The following BAZ2B variants were observed in gnomAD, a reference collection of about 807,000 sequenced individuals.
BAZ2B encodes bromodomain adjacent to zinc finger domain protein 2B.
Under a neutral mutation model 246.0 loss-of-function variants are expected in BAZ2B, and 91 were observed. The observed-to-expected ratio is 0.37, with a 90% CI of 0.31 to 0.44. The LOEUF is 0.44. Among genes scored for constraint, BAZ2B ranks in the 20% least tolerant of loss-of-function variants. BAZ2B has a pLI of 1.00. For missense variants in BAZ2B, 2,332 were observed against 2,533.7 expected (o/e 0.92, Z 1.71); for synonymous variants, 855 against 860.0 (o/e 0.99, Z 0.10).
rs1344829292 is a variant in BAZ2B, at chr2:159,325,117, T to TTATATATA, written c.6210-171_6210-164dup. 6.8e-3 allele frequency among the ~76,000 whole-genome samples: 23 copies of TTATATATA among 3,390 alleles called. 1 individual carries two copies. Among genetic ancestry groups the TTATATATA allele is most frequent in the African/African-American group, 0.014 (22 of 1,528 alleles). 2.2% of individuals were successfully genotyped at this position (3,390 alleles called of 152,430 possible). Reference sequence around the variant, plus strand: ...TTATATATATATATATATATATATTTTATATATATATATATATATATATAT... The same window carrying TTATATATA: ...TTATATATATATATATATATATATTTTATATATATATATATATATATATATATATATAT... On this transcript the variant is annotated intron_variant, in intron 35 of 36. Transcript: ENST00000392783.
chr2:159,337,712 A>AT lies in BAZ2B; in HGVS notation c.5514dup (p.Ser1839IlefsTer4), dbSNP rs777624820. On this transcript the variant is annotated frameshift_variant, in exon 32 of 37. Coordinates refer to ENST00000392783, the MANE Select transcript of BAZ2B (RefSeq NM_013450.4). LOFTEE classifies it high-confidence loss of function. ...TGCTCCTTGCACAATTTAGTAAATG[A>AT]TTTATGTTCAAAATATACCAAGTCC... 8 of 1,614,044 alleles carry AT rather than the reference A, an allele frequency of 5.0e-6. No homozygotes were observed.
At position 159,478,647 on chromosome 2, in the gene BAZ2B, C is replaced by G; in HGVS notation, c.73G>C (p.Val25Leu). The change falls in exon 3 of 37, where the codon GTG becomes CTG. Residue 25 changes from valine to leucine, a missense_variant. Physicochemically the swap from Val to Leu is conservative, Grantham distance 32. This residue lies in a region of BAZ2B where 242 missense variants were observed against 237.4 expected (regional missense o/e 1.02). Transcript: ENST00000392783. ...CCACCTTTTGAAACTACTGAAGCCACAGAAGGTGTCGAAGATGAAGTTGGT... is the reference window on the plus strand; with the variant it reads ...CCACCTTTTGAAACTACTGAAGCCAGAGAAGGTGTCGAAGATGAAGTTGGT... ...TTPTSSSTPS[V>L]ASVVSKGGLS... 1.2e-6 allele frequency: 2 copies of G among 1,611,382 alleles called. No homozygotes were observed. The highest frequency in any genetic ancestry group is 1.7e-6 in the Non-Finnish European group (2 of 1,178,400).
Position 159,332,601 on chromosome 2 carries a change from T to C in BAZ2B, c.5882A>G (p.His1961Arg), listed in dbSNP as rs1405461125. ...TGGGATTGTTGTAATCTTGGGTCTA[T>C]GGCAGTAGGTATGACAGCCTTTGTC... ...GCDKGCHTYC[H>R]RPKITTIPDG... The change falls in exon 34 of 37, where the codon CAT becomes CGT. Residue 1961 changes from histidine to arginine, a missense_variant. By Grantham distance (29) the His-to-Arg change is conservative. This residue lies in a region of BAZ2B where 210 missense variants were observed against 232.5 expected (regional missense o/e 0.90). Coordinates refer to ENST00000392783, the MANE Select transcript of BAZ2B (RefSeq NM_013450.4). 2 of 1,614,022 alleles carry C rather than the reference T, an allele frequency of 1.2e-6. No individual in the cohort carries two copies. Among genetic ancestry groups the C allele is most frequent in the Non-Finnish European group, 1.7e-6 (2 of 1,179,992 alleles).
intron 2 of BAZ2B, among the ~76,000 whole-genome samples, chr2:159,546,335 C>T (rs1297317189): frequency 2.0e-5 from 3 of 151,668 alleles, no homozygotes; most frequent in Non-Finnish European, 4.4e-5. Flanking sequence ...CAAGCTTTCT[C>T]TCTCTGCCTG....
At chr2:159,590,725 T>A (rs1204925505) in intron 1 of BAZ2B, among the ~76,000 whole-genome samples, 1 of 152,146 alleles carries the variant, frequency 6.6e-6, no homozygotes, top group Admixed American at 6.6e-5. Flanking sequence ...GGTGTGCTAG[T>A]CCCTAATTGC....
At chr2:159,466,348 G>C (rs887462742) in intron 3 of BAZ2B, among the ~76,000 whole-genome samples, 1 of 152,124 alleles carries the variant, frequency 6.6e-6, no homozygotes, top group African/African-American at 2.4e-5. Context: ...TTAAGTCTTA[G>C]TCCTGTAAAT....
the BAZ2B span, among the ~76,000 whole-genome samples, chr2:159,622,632 A>C: frequency 6.6e-6 from 1 of 152,234 alleles, no homozygotes; most frequent in Non-Finnish European, 1.5e-5. Flanking sequence ...GAATAAACTT[A>C]TATGTAAAGC....
the BAZ2B span, among the ~76,000 whole-genome samples, chr2:159,671,627 C>T: frequency 2.6e-5 from 4 of 152,072 alleles, no homozygotes; most frequent in Admixed American, 1.3e-4. Flanking sequence ...TCAATGAATA[C>T]GAACTCTTTC....
At chr2:159,516,485 C>T (rs571759044) in intron 2 of BAZ2B, 12 of 152,672 alleles carry the variant, frequency 7.9e-5, no homozygotes, top group African/African-American at 2.4e-4. Context: ...TAAGCATTTA[C>T]AATGCTCTAT....
At chr2:159,587,411 C>T (rs1228385059) in intron 1 of BAZ2B, among the ~76,000 whole-genome samples, 1 of 152,126 alleles carries the variant, frequency 6.6e-6, no homozygotes, top group East Asian at 1.9e-4. Flanking sequence ...TAAACCTCAC[C>T]TTCCAATGTT....
At chr2:159,678,345 T>C in the BAZ2B span, among the ~76,000 whole-genome samples, 1 of 152,202 alleles carries the variant, frequency 6.6e-6, no homozygotes, top group Admixed American at 6.5e-5. Flanking sequence ...TTTTATACTT[T>C]TTCCATTACA....
At chr2:159,653,881 A>T in the BAZ2B span, among the ~76,000 whole-genome samples, 1 of 152,218 alleles carries the variant, frequency 6.6e-6, no homozygotes, top group Non-Finnish European at 1.5e-5. Context: ...TACTAATTTA[A>T]CCTCTGTACC....
intron 2 of BAZ2B, among the ~76,000 whole-genome samples, chr2:159,529,383 C>G (rs753805071): frequency 2.6e-5 from 4 of 151,764 alleles, no homozygotes; most frequent in Non-Finnish European, 4.4e-5. Flanking sequence ...GTAACTCTCT[C>G]TCATTGCTCA....
chr2:159,652,618 AT>A, the BAZ2B span, among the ~76,000 whole-genome samples: 2 of 151,266 alleles, frequency 1.3e-5, no homozygotes, highest in Admixed American at 6.6e-5. Context: ...TGCAAGAAAT[AT>A]TTTTTTTTGA....
At chr2:159,582,936 T>C (rs1578621517) in intron 1 of BAZ2B, among the ~76,000 whole-genome samples, 2 of 152,246 alleles carry the variant, frequency 1.3e-5, no homozygotes, top group South Asian at 2.1e-4. Context: ...ATTTTGTTTA[T>C]GAATTGCCTA....
intron 2 of BAZ2B, among the ~76,000 whole-genome samples, chr2:159,505,019 C>A (rs2082187156): frequency 1.3e-5 from 2 of 152,226 alleles, no homozygotes; most frequent in African/African-American, 4.8e-5. Flanking sequence ...TCATGCTCAA[C>A]TGATTTTAAT....
intron 1 of BAZ2B, chr2:159,615,281 G>C (rs1357335200): frequency 6.6e-6 from 1 of 152,074 alleles, no homozygotes; most frequent in Non-Finnish European, 1.5e-5. Flanking sequence ...AAAGAGAACG[G>C]GGGCTGGGGG....
At chr2:159,527,074 T>C (rs917625933) in intron 2 of BAZ2B, among the ~76,000 whole-genome samples, 2 of 152,076 alleles carry the variant, frequency 1.3e-5, no homozygotes, top group African/African-American at 4.8e-5. Flanking sequence ...ATTGTCGCTA[T>C]TTTTAATTTT....
chr2:159,602,359 C>A (rs901208705), intron 1 of BAZ2B, among the ~76,000 whole-genome samples: 1 of 152,018 alleles, frequency 6.6e-6, no homozygotes, highest in African/African-American at 2.4e-5. Context: ...CATAGTGGCT[C>A]ACAAGAGTCA....
Sources: allele counts gnomAD v4.1 joint callset (sites outside exome capture counted in the v4.1 genomes callset), GRCh38; gene constraint gnomAD v4.1.1; regional missense constraint gnomAD v4.1.1; transcripts MANE v1.5; gene names NCBI Gene and HGNC (gene_info 2026-07-23, HGNC 2026-07-21).